RCBTB2: variants seen among roughly 807,000 people sequenced by gnomAD.
The protein encoded by RCBTB2 is RCC1 and BTB domain-containing protein 2.
Under a neutral mutation model 65.4 loss-of-function variants are expected in RCBTB2, and 55 were observed. That is an observed-to-expected ratio of 0.84 (90% confidence interval 0.68 to 1.05). The LOEUF is 1.05. RCBTB2 is among the 50% of genes least tolerant of loss of function. The pLI is 0.00. For synonymous variants in RCBTB2, 220 were observed against 255.2 expected (o/e 0.86, Z 1.31); for missense variants, 599 against 680.1 (o/e 0.88, Z 1.33).
Position 48,511,894 on chromosome 13 carries a change from C to A in RCBTB2, c.676-17G>T. 6.2e-7 allele frequency: 1 copy of A among 1,613,268 alleles called. No homozygotes were observed. Among genetic ancestry groups the A allele is most frequent in the African/African-American group, 1.3e-5 (1 of 75,016 alleles). ...GACATAGACCTGAGAGAAAATGAGA[C>A]CCTCAATCCTCTCAAGAGACAAATG... is the stretch of plus-strand genomic sequence containing the variant. On this transcript the variant is annotated splice_polypyrimidine_tract_variant and intron_variant, in intron 8 of 14. Transcript: ENST00000344532.
At chr13:48,516,157 C>T (rs762548844) in intron 4 of RCBTB2, among the ~76,000 whole-genome samples, 1 of 152,034 alleles carries the variant, frequency 6.6e-6, no homozygotes, top group African/African-American at 2.4e-5. Flanking sequence ...AAGAACAATG[C>T]TTGGTAAAGA....
intron 14 of RCBTB2, among the ~76,000 whole-genome samples, chr13:48,493,336 C>CTCTCTCTCTCT (rs1949821565): frequency 1.4e-5 from 2 of 144,704 alleles, no homozygotes; most frequent in Non-Finnish European, 3.0e-5. Flanking sequence ...CTCTCTCTCT[C>CTCTCTCTCTCT]TCTCTTCTCT....
chr13:48,527,426 TCTC>T (rs199672673), intron 1 of RCBTB2, among the ~76,000 whole-genome samples: 2,614 of 146,076 alleles, frequency 0.018, 82 homozygotes, highest in African/African-American at 0.065. Flanking sequence ...TGCAAAACAG[TCTC>T]CTATGTTATT....
At chr13:48,519,286 T>C (rs775291454) in intron 4 of RCBTB2, among the ~76,000 whole-genome samples, 9 of 152,218 alleles carry the variant, frequency 5.9e-5, no homozygotes, top group Non-Finnish European at 1.5e-5. Context: ...TACTGTGGGT[T>C]GTCTTCCACA....
chr13:48,496,434 G>A lies in RCBTB2; in HGVS notation c.1385-113C>T, dbSNP rs577770694. ...CACTATTTTAGATATAATCCTCAGT[G>A]AAGCACTGCATAGACTGATGCTGAC... On this transcript the variant is annotated intron_variant, in intron 13 of 14. Coordinates refer to ENST00000344532, the MANE Select transcript of RCBTB2 (RefSeq NM_001268.4). 7 of 1,096,428 alleles carry A rather than the reference G, an allele frequency of 6.4e-6. No individual in the cohort carries two copies. In the East Asian group the frequency reaches 1.6e-4, roughly 26 times the overall value. 67.9% of individuals were successfully genotyped at this position (1,096,428 alleles called of 1,614,324 possible). A position where few individuals can be genotyped will look rare whatever the true frequency, so the allele number is the denominator to read the frequency against.
In RCBTB2 at chr13:48,515,214, C is replaced by G. The variant is rs764922275; in HGVS notation, c.340G>C (p.Ala114Pro). Residue 114 changes from alanine (A) to proline (P), a missense_variant, in exon 6 of 15, where the codon GCA becomes CCA. By Grantham distance (27) the Ala-to-Pro change is conservative (BLOSUM62 -1). Transcript: ENST00000344532. ...SYGSGPHIVL[A>P]TTEGEVFTWG... ...GGGGTTCCTAGGTTACCTGTTGTTG[C>G]AAGGACAATATGTGGACCACTCCCA... is the stretch of plus-strand genomic sequence containing the variant. 6.2e-7 allele frequency: 1 copy of G among 1,612,302 alleles called. No homozygotes were observed. The highest frequency in any genetic ancestry group is 2.2e-5 in the East Asian group (1 of 44,866).
chr13:48,521,147 T>C (rs1344349948), intron 4 of RCBTB2, among the ~76,000 whole-genome samples: 1 of 152,202 alleles, frequency 6.6e-6, no homozygotes, highest in Non-Finnish European at 1.5e-5. Context: ...GTTCTATACA[T>C]TACTTTTGTA....
intron 1 of RCBTB2, among the ~76,000 whole-genome samples, chr13:48,527,444 CATTTT>C (rs1453925616): frequency 1.4e-4 from 19 of 134,640 alleles, no homozygotes; most frequent in African/African-American, 4.9e-4. Context: ...GTTATTTCCT[CATTTT>C]ATTAAAATGT....
chr13:48,511,482 T>C (rs564711107), intron 9 of RCBTB2, among the ~76,000 whole-genome samples: 1 of 152,348 alleles, frequency 6.6e-6, no homozygotes, highest in Non-Finnish European at 1.5e-5. Context: ...CTCAGGGAAA[T>C]TCCCTAGGAG....
At chr13:48,530,189 C>T (rs1593833402) in intron 1 of RCBTB2, among the ~76,000 whole-genome samples, 1 of 152,082 alleles carries the variant, frequency 6.6e-6, no homozygotes, top group African/African-American at 2.4e-5. Flanking sequence ...GGTGAGCCAC[C>T]GCGCCCGGCC....
At chr13:48,527,866 C>T (rs149924456) in intron 1 of RCBTB2, among the ~76,000 whole-genome samples, 5 of 152,342 alleles carry the variant, frequency 3.3e-5, no homozygotes, top group Admixed American at 3.3e-4. Flanking sequence ...GTGATAAACA[C>T]ATTCATTCTT....
intron 6 of RCBTB2, among the ~76,000 whole-genome samples, chr13:48,513,332 T>C (rs914345235): frequency 1.8e-4 from 28 of 152,340 alleles, no homozygotes; most frequent in African/African-American, 6.7e-4. Context: ...AAAACATATA[T>C]GTACAGTTTT....
At position 48,489,780 on chromosome 13, in the gene RCBTB2, A is replaced by G; in HGVS notation, c.*331T>C. The G allele has an allele frequency of 3.2e-6, 1 of 314,700 alleles. No individual in the cohort carries two copies. The allele number at this position is 314,700 out of a possible 1,614,324, so 19.5% of individuals were successfully genotyped here. ...CTATCTATGTGGTATCAGCCAGCTG[A>G]ATAATGGAACATTTGGGCCAGAATA... On this transcript the variant is annotated 3_prime_UTR_variant, in exon 15 of 15. Transcript: ENST00000344532.
At chr13:48,517,902 G>C (rs1739624959) in intron 4 of RCBTB2, among the ~76,000 whole-genome samples, 1 of 152,160 alleles carries the variant, frequency 6.6e-6, no homozygotes, top group Non-Finnish European at 1.5e-5. Flanking sequence ...TACTGGATTA[G>C]AGTGGACCCT....
At chr13:48,497,085 T>G (rs1950018164) in intron 13 of RCBTB2, among the ~76,000 whole-genome samples, 1 of 152,196 alleles carries the variant, frequency 6.6e-6, no homozygotes, top group Admixed American at 6.5e-5. Context: ...GGTGCAATAT[T>G]CTCTGGTTTC....
At chr13:48,532,866 C>T (rs928605999) in intron 1 of RCBTB2, 162 bp downstream of exon 1, 2 of 390,070 alleles carry the variant, frequency 5.1e-6, no homozygotes, top group South Asian at 3.6e-5. Context: ...AGGCCTGTGG[C>T]ACGGTCGCGG....
chr13:48,523,537 G>C (rs945654717), intron 2 of RCBTB2, among the ~76,000 whole-genome samples: 2 of 152,158 alleles, frequency 1.3e-5, no homozygotes, highest in Non-Finnish European at 2.9e-5. Context: ...TTGTATACTG[G>C]AACTGGCCTG....
At position 48,522,978 on chromosome 13, in the gene RCBTB2, C is replaced by T. The variant is rs9331965; in HGVS notation, c.-119-575G>A. 0.012 allele frequency among the ~76,000 whole-genome samples: 1,786 copies of T among 152,014 alleles called. 64 individuals carry two copies. In the East Asian group the frequency reaches 0.12, roughly 10 times the overall value. On this transcript the variant is annotated intron_variant, in intron 2 of 14. Transcript: ENST00000344532. ...AGCTATAAAAAGATCTCTCAGAATA[C>T]GAGAAATCATAATTTATTCAGAATT...
chr13:48,503,707 C>T (rs749521035), intron 10 of RCBTB2, among the ~76,000 whole-genome samples: 9 of 152,142 alleles, frequency 5.9e-5, no homozygotes, highest in Non-Finnish European at 1.3e-4. Context: ...AGCCACCACA[C>T]CTGACTAACT....
Sources: allele counts gnomAD v4.1 joint callset (sites outside exome capture counted in the v4.1 genomes callset), GRCh38; gene constraint gnomAD v4.1.1; transcripts MANE v1.5; gene names NCBI Gene and HGNC (gene_info 2026-07-23, HGNC 2026-07-21).